The following LRRIQ1 variants were observed in gnomAD, a reference collection of about 807,000 sequenced individuals.
The protein encoded by LRRIQ1 is leucine-rich repeat- and IQ domain-containing protein 1.
LRRIQ1 carries 210 observed loss-of-function variants against 211.9 expected under a neutral mutation model. The observed-to-expected ratio is 0.99, with a 90% CI of 0.89 to 1.11. The LOEUF (loss-of-function observed/expected upper bound fraction) is 1.11, where lower values mean the gene tolerates loss of function less well. Among genes scored for constraint, LRRIQ1 ranks in the 50% most tolerant of loss-of-function variants. LRRIQ1 has a pLI of 0.00. For synonymous variants in LRRIQ1, 699 were observed against 650.1 expected (o/e 1.08, Z -1.14); for missense variants, 2,136 against 1,939.5 (o/e 1.10, Z -1.90).
chr12:85,213,184 A>G (rs1893921841), intron 24 of LRRIQ1, among the ~76,000 whole-genome samples: 1 of 151,934 alleles, frequency 6.6e-6, no homozygotes, highest in African/African-American at 2.4e-5. Context: ...CAGCAACAAA[A>G]AAAAGCTGGT....
chr12:85,123,642 A>T (rs1250539764), intron 16 of LRRIQ1, among the ~76,000 whole-genome samples: 3 of 152,126 alleles, frequency 2.0e-5, no homozygotes, highest in African/African-American at 7.2e-5. Flanking sequence ...CCCATAATGT[A>T]AGTTCTTTGT....
chr12:85,126,400 T>C (rs181888080), intron 17 of LRRIQ1, among the ~76,000 whole-genome samples: 1 of 152,194 alleles, frequency 6.6e-6, no homozygotes, highest in Non-Finnish European at 1.5e-5. Flanking sequence ...ACTGGTTACA[T>C]ATTACAAATG....
chr12:85,199,516 G>A (rs1893187514), intron 24 of LRRIQ1, among the ~76,000 whole-genome samples: 1 of 152,090 alleles, frequency 6.6e-6, no homozygotes, highest in Non-Finnish European at 1.5e-5. Flanking sequence ...TGGCCTTATA[G>A]TATAGTTTAA....
chr12:85,064,585 A>G (rs1046016856), intron 8 of LRRIQ1, among the ~76,000 whole-genome samples: 12 of 151,730 alleles, frequency 7.9e-5, no homozygotes, highest in African/African-American at 2.4e-4. Context: ...TTACTCAAGA[A>G]ATATTTGCCC....
At chr12:85,204,713 ATTTTCC>A (rs539557863) in intron 24 of LRRIQ1, among the ~76,000 whole-genome samples, 21,966 of 151,928 alleles carry the variant, frequency 0.14, 3,145 homozygotes, top group African/African-American at 0.37. Context: ...GAATGATTGT[ATTTTCC>A]CAATATCTGT....
At chr12:85,164,880 T>A (rs2136760826) in intron 24 of LRRIQ1, among the ~76,000 whole-genome samples, 1 of 152,238 alleles carries the variant, frequency 6.6e-6, no homozygotes, top group Non-Finnish European at 1.5e-5. Context: ...ATTAAAATAC[T>A]TAGGAAAAAA....
At chr12:85,188,691 G>C (rs941435257) in intron 24 of LRRIQ1, among the ~76,000 whole-genome samples, 1 of 152,044 alleles carries the variant, frequency 6.6e-6, no homozygotes, top group Non-Finnish European at 1.5e-5. Flanking sequence ...CTGTCTTAGT[G>C]CTTCCCTTGA....
intron 15 of LRRIQ1, among the ~76,000 whole-genome samples, chr12:85,111,945 T>TAC (rs539688376): frequency 0.26 from 38,467 of 147,962 alleles, 5,663 homozygotes; most frequent in African/African-American, 0.41. Context: ...TATATATATA[T>TAC]ACACACACAC....
Position 85,137,868 on chromosome 12 carries a change from A to G in LRRIQ1, c.4228A>G (p.Ile1410Val). 6.3e-7 allele frequency: 1 copy of G among 1,595,924 alleles called. No individual in the cohort carries two copies. The highest frequency in any genetic ancestry group is 8.5e-7 in the Non-Finnish European group (1 of 1,173,342). Residue 1410 changes from isoleucine to valine, a missense_variant, in exon 19 of 27, where the codon ATT becomes GTT. By Grantham distance (29) the Ile-to-Val change is conservative (BLOSUM62 3). Coordinates refer to ENST00000393217, the MANE Select transcript of LRRIQ1 (RefSeq NM_001079910.2). ...ILIQAVWKGF[I>V]LRKKLTTALE... ...TGTTTAGGCAGTTTGGAAGGGCTTT[A>G]TTTTGCGAAAGAAACTGACAACAGC...
intron 24 of LRRIQ1, 39 bp downstream of exon 24, chr12:85,160,753 TAAAG>T (rs1890821276): frequency 1.8e-6 from 2 of 1,100,024 alleles, no homozygotes; most frequent in African/African-American, 1.6e-5. Context: ...GGTAAAAAGA[TAAAG>T]AAAGATTAAA....
intron 10 of LRRIQ1, 109 bp downstream of exon 10, chr12:85,067,007 T>G: frequency 3.7e-6 from 2 of 545,060 alleles, no homozygotes; most frequent in Non-Finnish European, 5.8e-6. Flanking sequence ...CATATTTTAT[T>G]TATGTTATAC....
Position 85,055,554 on chromosome 12 carries a change from T to C in LRRIQ1, c.761T>C (p.Ile254Thr). ...TATCTTACTTTGTTTTAGGAGTATA[T>C]TAGAAACTTGCATTTACAAATGGAA... is the stretch of plus-strand genomic sequence containing the variant. ...KEKFKQHEEYIRNLHLQMEEE... is the reference protein window; with the variant it reads ...KEKFKQHEEYTRNLHLQMEEE... Residue 254 changes from isoleucine (I) to threonine (T), a missense_variant, in exon 8 of 27, where the codon ATT (isoleucine) becomes ACT (threonine). Physicochemically the swap from Ile to Thr is moderately conservative, Grantham distance 89. Transcript: ENST00000393217. The C allele has an allele frequency of 6.6e-7, 1 of 1,524,118 alleles. No individual in the cohort carries two copies. Among genetic ancestry groups the C allele is most frequent in the Non-Finnish European group, 8.8e-7 (1 of 1,142,052 alleles). The allele number at this position is 1,524,118 out of a possible 1,614,324, so 94.4% of individuals were successfully genotyped here. A position where few individuals can be genotyped will look rare whatever the true frequency, so the allele number is the denominator to read the frequency against.
chr12:85,051,706 G>C (rs1032320119), intron 6 of LRRIQ1, among the ~76,000 whole-genome samples: 3 of 151,974 alleles, frequency 2.0e-5, no homozygotes, highest in African/African-American at 7.3e-5. Flanking sequence ...TGAAGAAGGG[G>C]GTTGTATTTT....
intron 13 of LRRIQ1, among the ~76,000 whole-genome samples, chr12:85,100,659 A>C (rs1886283299): frequency 6.6e-6 from 1 of 151,724 alleles, no homozygotes; most frequent in South Asian, 2.1e-4. Flanking sequence ...TGTCACTGAT[A>C]CTGGAATGTA....
chr12:85,046,058 T>C lies in LRRIQ1; in HGVS notation c.375T>C (p.Ser125=), dbSNP rs1267690998. Residue 125 remains serine, a synonymous_variant, in exon 5 of 27, where the codon AGT becomes AGC. Coordinates refer to ENST00000393217, the MANE Select transcript of LRRIQ1 (RefSeq NM_001079910.2). The part of the protein sequence containing the change: ...SEIEKEEFMR[S]KTDCATPDFV... Reference sequence around the variant, plus strand: ...TAGAAAAAGAAGAATTTATGAGAAGTAAAACCGATTGTGCCACTCCTGATT... The same window carrying C: ...TAGAAAAAGAAGAATTTATGAGAAGCAAAACCGATTGTGCCACTCCTGATT... 1.2e-6 allele frequency: 2 copies of C among 1,611,800 alleles called. No individual in the cohort carries two copies. The highest frequency in any genetic ancestry group is 1.7e-6 in the Non-Finnish European group (2 of 1,178,470).
downstream of LRRIQ1, among the ~76,000 whole-genome samples, chr12:85,248,024 A>G (rs1178257525): frequency 6.6e-6 from 1 of 151,694 alleles, no homozygotes; most frequent in Non-Finnish European, 1.5e-5. Context: ...TATAAAATGG[A>G]CATAGCAAGA....
intron 26 of LRRIQ1, among the ~76,000 whole-genome samples, chr12:85,235,393 G>A (rs1055229394): frequency 3.9e-5 from 6 of 152,270 alleles, no homozygotes; most frequent in South Asian, 2.1e-4. Context: ...TTTCCAAAAC[G>A]ACTCCTGTGA....
intron 11 of LRRIQ1, among the ~76,000 whole-genome samples, chr12:85,086,286 C>G (rs1669829687): frequency 6.6e-6 from 1 of 151,948 alleles, no homozygotes; most frequent in African/African-American, 2.4e-5. Context: ...AATTGTAATC[C>G]TCAGTGCTGG....
In LRRIQ1 at chr12:85,153,159, T is replaced by C. The variant is rs1223284584; in HGVS notation, c.4541+14T>C. 1 of 1,578,500 alleles carries C rather than the reference T, an allele frequency of 6.3e-7. No individual in the cohort carries two copies. The highest frequency in any genetic ancestry group is 2.3e-5 in the East Asian group (1 of 43,052). ...ATTTAATAGCAGGTAAGCTAAACTA[T>C]TGTTTTAGAGAATCAACTTGTGAAT... On this transcript the variant is annotated intron_variant, in intron 21 of 26. Coordinates refer to ENST00000393217, the MANE Select transcript of LRRIQ1 (RefSeq NM_001079910.2).
Sources: allele counts gnomAD v4.1 joint callset (sites outside exome capture counted in the v4.1 genomes callset), GRCh38; gene constraint gnomAD v4.1.1; transcripts MANE v1.5; gene names NCBI Gene and HGNC (gene_info 2026-07-23, HGNC 2026-07-21).